The following KCNMA1 variants were observed in gnomAD, a reference collection of about 807,000 sequenced individuals.
KCNMA1 encodes potassium calcium-activated channel subfamily M alpha 1.
KCNMA1 carries 29 observed loss-of-function variants against 140.0 expected under a neutral mutation model. The observed-to-expected ratio is 0.21, with a 90% CI of 0.15 to 0.28. KCNMA1 has a LOEUF of 0.28. Ranked by LOEUF, KCNMA1 falls within the 10% of genes least tolerant of loss-of-function variation. KCNMA1 has a pLI of 1.00. For synonymous variants in KCNMA1, 612 were observed against 611.9 expected (o/e 1.00, Z 0.00); for missense variants, 880 against 1,602.2 (o/e 0.55, Z 7.70).
intron 1 of KCNMA1, among the ~76,000 whole-genome samples, chr10:77,609,473 A>C (rs919264339): frequency 6.6e-6 from 1 of 152,238 alleles, no homozygotes; most frequent in African/African-American, 2.4e-5. Flanking sequence ...AAAGAGTACA[A>C]ACTTTCAGTT....
At chr10:77,077,839 C>T (rs2096445424) in intron 13 of KCNMA1, 1 of 152,248 alleles carries the variant, frequency 6.6e-6, no homozygotes, top group South Asian at 2.1e-4. Flanking sequence ...CCAATATCCT[C>T]ACTTTATCTC....
At chr10:77,529,785 C>T (rs1360003287) in intron 1 of KCNMA1, among the ~76,000 whole-genome samples, 4 of 152,072 alleles carry the variant, frequency 2.6e-5, no homozygotes, top group African/African-American at 7.2e-5. Context: ...CAAGAGCCCC[C>T]ACGTGGGCCT....
intron 2 of KCNMA1, among the ~76,000 whole-genome samples, chr10:77,371,130 A>G (rs2094675567): frequency 6.6e-6 from 1 of 152,192 alleles, no homozygotes; most frequent in African/African-American, 2.4e-5. Flanking sequence ...CCAAATTCAT[A>G]CTACTTACCC....
At chr10:77,100,900 G>C (rs1181497266) in intron 9 of KCNMA1, among the ~76,000 whole-genome samples, 1 of 151,812 alleles carries the variant, frequency 6.6e-6, no homozygotes, top group Non-Finnish European at 1.5e-5. Flanking sequence ...ATCTAGGCTT[G>C]AATACGACTT....
At chr10:76,957,127 C>CAAAAA (rs569115924) in intron 20 of KCNMA1, among the ~76,000 whole-genome samples, 17 of 71,366 alleles carry the variant, frequency 2.4e-4, no homozygotes, top group African/African-American at 9.9e-4. Context: ...GACTCTGTCT[C>CAAAAA]AAAAAAAAAA....
intron 1 of KCNMA1, among the ~76,000 whole-genome samples, chr10:77,551,244 TGTACAGGGGAAGG>T (rs1187337532): frequency 1.3e-5 from 2 of 152,206 alleles, no homozygotes; most frequent in African/African-American, 2.4e-5. Context: ...TGCTCTTATA[TGTACAGGGGAAGG>T]ACAGAGGAAG....
chr10:76,918,640 G>T (rs570512761), intron 23 of KCNMA1, among the ~76,000 whole-genome samples: 1 of 152,114 alleles, frequency 6.6e-6, no homozygotes, highest in Non-Finnish European at 1.5e-5. Flanking sequence ...CACTGCTGGC[G>T]GCAATGTAAA....
At chr10:77,429,074 G>C (rs555839318) in intron 1 of KCNMA1, among the ~76,000 whole-genome samples, 14 of 152,312 alleles carry the variant, frequency 9.2e-5, no homozygotes, top group African/African-American at 3.4e-4. Flanking sequence ...TATGGGTCTG[G>C]TGCCAGAAAT....
In KCNMA1 at chr10:77,637,522, A is replaced by C. The variant is rs2093888755; in HGVS notation, c.121T>G (p.Ser41Ala). The C allele has an allele frequency of 1.3e-5, 21 of 1,563,996 alleles. No homozygotes were observed. Among genetic ancestry groups the C allele is most frequent in the Non-Finnish European group, 1.7e-5 (19 of 1,149,824 alleles). Reference sequence around the variant, plus strand: ...GAAGAGGAAGAGGAGGAGGAGGAGGAGGAGGACGCGTCTAGGCTGAGATGG... The same window carrying C: ...GAAGAGGAAGAGGAGGAGGAGGAGGCGGAGGACGCGTCTAGGCTGAGATGG... ...ANHLSLDASS[S>A]SSSSSSSSSS... is the part of the protein sequence containing the mutation. Residue 41 changes from serine (S) to alanine (A), a missense_variant, in exon 1 of 28, where the codon TCC becomes GCC. Transcript: ENST00000286628.
intron 2 of KCNMA1, among the ~76,000 whole-genome samples, chr10:77,346,682 T>C (rs1458959907): frequency 2.0e-5 from 3 of 152,186 alleles, no homozygotes; most frequent in Non-Finnish European, 4.4e-5. Flanking sequence ...TCATTGGGGT[T>C]GCTGTGTCCT....
At chr10:77,510,349 A>C (rs561845558) in intron 1 of KCNMA1, among the ~76,000 whole-genome samples, 35 of 152,214 alleles carry the variant, frequency 2.3e-4, no homozygotes, top group Admixed American at 2.0e-4. Context: ...GAAATACAGC[A>C]TACCTACTAG....
intron 1 of KCNMA1, among the ~76,000 whole-genome samples, chr10:77,544,054 T>C (rs1567446035): frequency 6.6e-6 from 1 of 152,138 alleles, no homozygotes; most frequent in African/African-American, 2.4e-5. Flanking sequence ...ATTTAAGCCA[T>C]GTACGTTAAT....
At chr10:77,122,525 C>T (rs1296382711) in intron 5 of KCNMA1, among the ~76,000 whole-genome samples, 1 of 151,502 alleles carries the variant, frequency 6.6e-6, no homozygotes, top group Admixed American at 6.6e-5. Flanking sequence ...AAGAAGTCAC[C>T]TCAGAAAGCA....
At chr10:77,312,004 ATGT>A (rs1386802306) in intron 2 of KCNMA1, among the ~76,000 whole-genome samples, 1 of 152,178 alleles carries the variant, frequency 6.6e-6, no homozygotes, top group Non-Finnish European at 1.5e-5. Context: ...CACCTCACTG[ATGT>A]TGTTGGATTC....
intron 2 of KCNMA1, among the ~76,000 whole-genome samples, chr10:77,394,751 T>C (rs998370029): frequency 1.3e-5 from 2 of 152,118 alleles, no homozygotes; most frequent in Non-Finnish European, 2.9e-5. Flanking sequence ...CTATTACCTA[T>C]GCCATAGGTA....
intron 5 of KCNMA1, among the ~76,000 whole-genome samples, chr10:77,128,725 A>G (rs1242937553): frequency 6.6e-6 from 1 of 152,202 alleles, no homozygotes; most frequent in Non-Finnish European, 1.5e-5. Context: ...GAAAACAAAT[A>G]GGTGTGACCA....
At chr10:77,607,343 C>T (rs764241557) in intron 1 of KCNMA1, among the ~76,000 whole-genome samples, 37 of 152,092 alleles carry the variant, frequency 2.4e-4, no homozygotes, top group Non-Finnish European at 4.6e-4. Context: ...TCACTGATTC[C>T]CATAAAAATG....
chr10:77,383,834 A>T (rs2095511164), intron 2 of KCNMA1, among the ~76,000 whole-genome samples: 1 of 152,172 alleles, frequency 6.6e-6, no homozygotes, highest in African/African-American at 2.4e-5. Context: ...TTGGGACTAC[A>T]GGTGTGCACT....
intron 10 of KCNMA1, among the ~76,000 whole-genome samples, chr10:77,090,179 A>G (rs2096780591): frequency 6.6e-6 from 1 of 152,144 alleles, no homozygotes; most frequent in African/African-American, 2.4e-5. Flanking sequence ...TCGCCTCCAC[A>G]GAGGCAGACT....
Sources: allele counts gnomAD v4.1 joint callset (sites outside exome capture counted in the v4.1 genomes callset), GRCh38; gene constraint gnomAD v4.1.1; transcripts MANE v1.5; gene names NCBI Gene and HGNC (gene_info 2026-07-23, HGNC 2026-07-21).